LMX1B: variants seen among roughly 807,000 people sequenced by gnomAD.
LMX1B encodes the protein LIM homeobox transcription factor 1 beta, also known as LIM homeobox transcription factor 1-beta.
A neutral mutation model predicts 51.4 loss-of-function variants in LMX1B; 12 were observed. That is an observed-to-expected ratio of 0.23 (90% CI 0.15 to 0.38). LMX1B has a LOEUF of 0.38. Among genes scored for constraint, LMX1B ranks in the 10% least tolerant of loss-of-function variants. The pLI is 1.00. For missense variants in LMX1B, 445 were observed against 571.1 expected (o/e 0.78, Z 2.25); for synonymous variants, 237 against 235.4 (o/e 1.01, Z -0.06).
At chr9:126,661,114 G>A (rs998387605) in intron 2 of LMX1B, among the ~76,000 whole-genome samples, 67 of 152,336 alleles carry the variant, frequency 4.4e-4, no homozygotes, top group African/African-American at 1.5e-3. Flanking sequence ...GCCTCTAACC[G>A]TAGTAGACAC....
chr9:126,667,885 C>T (rs1836373095), intron 2 of LMX1B, among the ~76,000 whole-genome samples: 1 of 152,188 alleles, frequency 6.6e-6, no homozygotes, highest in Admixed American at 6.5e-5. Flanking sequence ...CCAGTTAAAT[C>T]AATCAATCAA....
At chr9:126,652,199 C>T (rs1266065828) in intron 2 of LMX1B, among the ~76,000 whole-genome samples, 1 of 150,660 alleles carries the variant, frequency 6.6e-6, no homozygotes, top group Non-Finnish European at 1.5e-5. Context: ...GCCTGTGATC[C>T]TGTGATCCGA....
chr9:126,663,436 A>G (rs1836283273), intron 2 of LMX1B, among the ~76,000 whole-genome samples: 1 of 151,212 alleles, frequency 6.6e-6, no homozygotes, highest in South Asian at 2.1e-4. Flanking sequence ...AAAAAAAAAA[A>G]AAGAAAAAAA....
intron 2 of LMX1B, among the ~76,000 whole-genome samples, chr9:126,638,995 T>C (rs1158997992): frequency 1.3e-5 from 2 of 148,152 alleles, no homozygotes; most frequent in African/African-American, 5.0e-5. Context: ...GAGGGAATAA[T>C]TGGGAAGGAG....
intron 2 of LMX1B, among the ~76,000 whole-genome samples, chr9:126,638,022 C>T (rs924242656): frequency 6.6e-6 from 1 of 151,578 alleles, no homozygotes. Context: ...GCCCGGGGAC[C>T]TGCTTTGGCC....
intron 2 of LMX1B, among the ~76,000 whole-genome samples, chr9:126,627,100 G>A (rs941782347): frequency 6.6e-6 from 1 of 152,162 alleles, no homozygotes; most frequent in African/African-American, 2.4e-5. Context: ...TGGCCAGGCT[G>A]TCCTGACCTC....
chr9:126,614,521 G>A lies in LMX1B; in HGVS notation c.72G>A (p.Met24Ile). The change falls in exon 1 of 8, where the codon ATG becomes ATA. Residue 24 changes from methionine (M) to isoleucine (I), a missense_variant. By Grantham distance (10) the Met-to-Ile change is conservative. Around this residue, in one of 3 missense-constraint regions of LMX1B, gnomAD observed 273 missense variants for 343.3 expected, o/e 0.80. Transcript: ENST00000373474. ...FPRGQTDCAK[M>I]LDGIKMEEHA... ...GCGGGCAGACGGACTGCGCCAAGATGTTGGACGGCATCAAGATGGAGGAGC... is the reference window on the plus strand; with the variant it reads ...GCGGGCAGACGGACTGCGCCAAGATATTGGACGGCATCAAGATGGAGGAGC... The A allele has an allele frequency of 6.2e-7, 1 of 1,607,530 alleles. No homozygotes were observed. Among genetic ancestry groups the A allele is most frequent in the Non-Finnish European group, 8.5e-7 (1 of 1,177,816 alleles).
rs1835275386 is a variant in LMX1B, at chr9:126,615,057, C to T, written c.140-326C>T. ...CAGCGAGCGCCCCAGCCTCACCTCGCCTGTCTTGGTCCCAGCCGGCCACCC... is the reference window on the plus strand; with the variant it reads ...CAGCGAGCGCCCCAGCCTCACCTCGTCTGTCTTGGTCCCAGCCGGCCACCC... On this transcript the variant is annotated intron_variant, in intron 1 of 7. Coordinates refer to ENST00000373474, the MANE Select transcript of LMX1B (RefSeq NM_001174147.2). This position sits in a 1 kb window ranked among gnomAD's most constrained non-coding sequence, Gnocchi z 6.0. Among the ~76,000 whole-genome samples the T allele has an allele frequency of 6.6e-6, 1 of 152,164 alleles. No individual in the cohort carries two copies. The highest frequency in any genetic ancestry group is 6.5e-5 in the Admixed American group (1 of 15,286).
At chr9:126,675,160 C>CCAAAA (rs1836531136) in intron 2 of LMX1B, among the ~76,000 whole-genome samples, 2 of 143,662 alleles carry the variant, frequency 1.4e-5, no homozygotes, top group South Asian at 4.3e-4. Flanking sequence ...GTCCTCATTA[C>CCAAAA]CAAAACAAAA....
At chr9:126,633,786 C>A (rs1835670452) in intron 2 of LMX1B, among the ~76,000 whole-genome samples, 1 of 152,154 alleles carries the variant, frequency 6.6e-6, no homozygotes, top group African/African-American at 2.4e-5. Context: ...GAGCCTTTAC[C>A]CTGTGCAGCC....
intron 2 of LMX1B, among the ~76,000 whole-genome samples, chr9:126,654,599 T>C (rs935196514): frequency 1.3e-5 from 2 of 152,212 alleles, no homozygotes; most frequent in Non-Finnish European, 2.9e-5. Flanking sequence ...TTGCCCAAAC[T>C]GTAGCCACAC....
intron 2 of LMX1B, among the ~76,000 whole-genome samples, chr9:126,616,520 G>A (rs1018882055): frequency 1.3e-5 from 2 of 152,242 alleles, no homozygotes; most frequent in Non-Finnish European, 2.9e-5. Context: ...AAAGAGGGGT[G>A]TGGAGATCCC....
In LMX1B at chr9:126,614,448, C is replaced by G. The variant is rs1262101459; in HGVS notation, c.-2C>G. ...CGGGGTCCGCAGCGCGCCCCGCGTC[C>G]CATGGATATAGCAACAGGTCCCGAG... On this transcript the variant is annotated 5_prime_UTR_variant, in exon 1 of 8. Coordinates refer to ENST00000373474, the MANE Select transcript of LMX1B (RefSeq NM_001174147.2). 5 of 1,528,610 alleles carry G rather than the reference C, an allele frequency of 3.3e-6. No homozygotes were observed. Among genetic ancestry groups the G allele is most frequent in the Non-Finnish European group, 4.4e-6 (5 of 1,137,814 alleles). The allele number at this position is 1,528,610 out of a possible 1,614,324, so 94.7% of individuals were successfully genotyped here.
In LMX1B at chr9:126,615,690, T is replaced by G. The variant is rs931204911; in HGVS notation, c.326+121T>G. The G allele has an allele frequency of 1.1e-6, 1 of 882,466 alleles. No homozygotes were observed. The highest frequency in any genetic ancestry group is 3.7e-5 in the Admixed American group (1 of 27,388). The allele number at this position is 882,466 out of a possible 1,614,324, so 54.7% of individuals were successfully genotyped here. A position where few individuals can be genotyped will look rare whatever the true frequency, so the allele number is the denominator to read the frequency against. The stretch of plus-strand genomic sequence containing the variant: ...TCTGTGCGCGGCTGGGCCGGGCAGC[T>G]CCAAGGGTTCCGAGAGCTGCGCGTC... On this transcript the variant is annotated intron_variant, in intron 2 of 7. Coordinates refer to ENST00000373474, the MANE Select transcript of LMX1B (RefSeq NM_001174147.2). This position sits in a 1 kb window ranked among gnomAD's most constrained non-coding sequence, Gnocchi z 6.0.
At chr9:126,642,182 C>A (rs1835821372) in intron 2 of LMX1B, among the ~76,000 whole-genome samples, 1 of 152,294 alleles carries the variant, frequency 6.6e-6, no homozygotes, top group Non-Finnish European at 1.5e-5. Flanking sequence ...GCTGCTGCTA[C>A]AACAGGGCCT....
At chr9:126,683,267 G>T (rs866709864) in intron 2 of LMX1B, among the ~76,000 whole-genome samples, 1 of 151,300 alleles carries the variant, frequency 6.6e-6, no homozygotes. Flanking sequence ...TGATTGACGC[G>T]CGTACCGGGG....
At chr9:126,648,987 C>T (rs1319943564) in intron 2 of LMX1B, among the ~76,000 whole-genome samples, 2 of 152,130 alleles carry the variant, frequency 1.3e-5, no homozygotes, top group East Asian at 1.9e-4. Context: ...CTTACACCCG[C>T]CCATCCAGAA....
intron 2 of LMX1B, among the ~76,000 whole-genome samples, chr9:126,670,270 A>C (rs1673768131): frequency 1.3e-5 from 2 of 152,246 alleles, no homozygotes; most frequent in Non-Finnish European, 2.9e-5. Context: ...TAGAGGCGGC[A>C]GACCTCCCCA....
At position 126,628,497 on chromosome 9, in the gene LMX1B, G is replaced by A. The variant is rs185462778; in HGVS notation, c.326+12928G>A. On this transcript the variant is annotated intron_variant, in intron 2 of 7. Transcript: ENST00000373474. ...AGGAGAGGCCGCCAGCAACAGCCAG[G>A]TCTCAGCTGGGTTCAGGACATGGCT... Among the ~76,000 whole-genome samples the A allele has an allele frequency of 2.1e-3, 315 of 152,330 alleles. 2 individuals carry two copies. Among genetic ancestry groups the A allele is most frequent in the African/African-American group, 7.3e-3 (303 of 41,564 alleles).
Sources: gnomAD v4.1 joint callset for allele counts (sites outside exome capture counted in the v4.1 genomes callset) on GRCh38, gnomAD v4.1.1 for gene constraint, gnomAD v4.1.1 regional missense constraint, Gnocchi (gnomAD v3.1) non-coding constraint, MANE v1.5 for transcripts, NCBI Gene and HGNC (gene_info 2026-07-23, HGNC 2026-07-21) for gene names.